Variants in C5 observed in about 807,000 individuals in gnomAD.
C5 encodes complement C5.
In C5, 140 loss-of-function variants were observed where a neutral mutation model predicts 218.8. The observed-to-expected ratio is 0.64, with a 90% CI of 0.56 to 0.74. C5 has a LOEUF of 0.74. Ranked by LOEUF, C5 falls within the 30% of genes least tolerant of loss-of-function variation. C5 has a pLI of 0.00. For synonymous variants in C5, 614 were observed against 682.3 expected, an observed-to-expected ratio of 0.90 and a Z score of 1.56; for missense variants, 1,700 against 1,969.6, an observed-to-expected ratio of 0.86 and a Z score of 2.59.
At chr9:121,034,985 T>C (rs2047511461) in intron 4 of C5, 91 bp from the exon 5 acceptor site, 1 of 657,114 alleles carries the variant, frequency 1.5e-6, no homozygotes, top group African/African-American at 1.8e-5. Flanking sequence ...AAAATATTTA[T>C]AGATCAAATA....
chr9:120,984,444 G>A (rs1434685674), intron 25 of C5, among the ~76,000 whole-genome samples: 6 of 152,044 alleles, frequency 3.9e-5, no homozygotes, highest in African/African-American at 1.2e-4. Context: ...TTTTACATTG[G>A]GTCTCTCTTG....
Position 120,963,622 on chromosome 9 carries a change from A to T in C5, c.4323+14T>A. On this transcript the variant is annotated intron_variant, in intron 34 of 40. Transcript: ENST00000223642. ...ATGAAGCATTCACAACACGATTTAA[A>T]AGAAAACACATACGGCTTTTAAGTC... 1 of 1,578,030 alleles carries T rather than the reference A, an allele frequency of 6.3e-7. No homozygotes were observed. Among genetic ancestry groups the T allele is most frequent in the East Asian group, 2.2e-5 (1 of 44,672 alleles).
At chr9:121,058,334 ATTGT>A in the C5 span, among the ~76,000 whole-genome samples, 1 of 152,190 alleles carries the variant, frequency 6.6e-6, no homozygotes, top group Non-Finnish European at 1.5e-5. Context: ...TTTCGATTTG[ATTGT>A]TTGGGATCCA....
At chr9:121,023,128 T>C (rs1379831565) in intron 10 of C5, among the ~76,000 whole-genome samples, 2 of 152,260 alleles carry the variant, frequency 1.3e-5, no homozygotes, top group Non-Finnish European at 2.9e-5. Context: ...TATTTACATA[T>C]AATTTAATGC....
chr9:120,991,281 C>A lies in C5; in HGVS notation c.2852-1G>T. 1 of 1,585,918 alleles carries A rather than the reference C, an allele frequency of 6.3e-7. No individual in the cohort carries two copies. The highest frequency in any genetic ancestry group is 8.7e-7 in the Non-Finnish European group (1 of 1,154,524). On this transcript the variant is annotated splice_acceptor_variant, in intron 22 of 40. Coordinates refer to ENST00000223642, the MANE Select transcript of C5 (RefSeq NM_001735.3). LOFTEE classifies it high-confidence loss of function. ...AACTCCTTTCGTCTGCTAATGGTAC[C>A]TGTAATTTAGAAAATTTGGATTTAT...
At chr9:121,062,879 T>G in the C5 span, among the ~76,000 whole-genome samples, 1 of 152,166 alleles carries the variant, frequency 6.6e-6, no homozygotes, top group Non-Finnish European at 1.5e-5. Flanking sequence ...GTTGCTTTTC[T>G]CTTGTTATTT....
At chr9:121,030,029 T>C (rs2047460536) in intron 7 of C5, among the ~76,000 whole-genome samples, 1 of 152,098 alleles carries the variant, frequency 6.6e-6, no homozygotes, top group Admixed American at 6.6e-5. Flanking sequence ...AGGCACTGGG[T>C]TTTGAAGTAG....
chr9:120,988,909 C>T lies in C5; in HGVS notation c.3230+137G>A, dbSNP rs56156677. Reference sequence around the variant, plus strand: ...CCATATCTGCTGGATCAGATGTGAACGGTAAGAGAAAGAGAGGAGTGAAGG... The same window carrying T: ...CCATATCTGCTGGATCAGATGTGAATGGTAAGAGAAAGAGAGGAGTGAAGG... On this transcript the variant is annotated intron_variant, in intron 25 of 40. Transcript: ENST00000223642. The T allele has an allele frequency of 8.4e-4, 627 of 744,604 alleles. 7 individuals carry two copies. In the East Asian group the frequency reaches 0.015, roughly 18 times the overall value. The allele number at this position is 744,604 out of a possible 1,614,324, so 46.1% of individuals were successfully genotyped here.
chr9:121,008,399 G>C lies in C5; in HGVS notation c.2348+9C>G. The C allele has an allele frequency of 6.3e-7, 1 of 1,595,626 alleles. No homozygotes were observed. The highest frequency in any genetic ancestry group is 2.2e-5 in the East Asian group (1 of 44,734). On this transcript the variant is annotated intron_variant, in intron 18 of 40. Transcript: ENST00000223642. ...TTTCTTTCAAGGAAACATGAAAGAA[G>C]TATAATACCTTCTGGGAACAAGATG...
the C5 span, among the ~76,000 whole-genome samples, chr9:121,061,455 C>T: frequency 2.0e-5 from 3 of 151,450 alleles, no homozygotes; most frequent in Non-Finnish European, 2.9e-5. Flanking sequence ...CGCTGAGGCA[C>T]GAGAATTGCT....
Position 120,996,220 on chromosome 9 carries a change from T to TA in C5, c.2851+19dup, listed in dbSNP as rs1277728424. 5.1e-6 allele frequency: 8 copies of TA among 1,557,192 alleles called. No individual in the cohort carries two copies. In the Middle Eastern group the frequency reaches 8.4e-4, roughly 163 times the overall value. On this transcript the variant is annotated intron_variant, in intron 22 of 40. Transcript: ENST00000223642. The stretch of plus-strand genomic sequence containing the variant: ...CTAAAGCAAAAGATAACATATAAAA[T>TA]AAAAAATCATTTTGCCTACCATAAA...
In C5 at chr9:120,969,145, A is replaced by G. The variant is rs749909513; in HGVS notation, c.4163-27T>C. The G allele has an allele frequency of 1.9e-6, 3 of 1,598,168 alleles. No individual in the cohort carries two copies. In the African/African-American group the frequency reaches 4.0e-5, roughly 21 times the overall value. Reference sequence around the variant, plus strand: ...TGGCACATAAGACAAGAAAACAAACAGACAAATATAAGAGTAAACTGTTTT... The same window carrying G: ...TGGCACATAAGACAAGAAAACAAACGGACAAATATAAGAGTAAACTGTTTT... On this transcript the variant is annotated intron_variant, in intron 32 of 40. Coordinates refer to ENST00000223642, the MANE Select transcript of C5 (RefSeq NM_001735.3).
intron 16 of C5, among the ~76,000 whole-genome samples, 180 bp from the exon 17 acceptor site, chr9:121,014,250 C>A (rs1049031728): frequency 6.6e-6 from 1 of 152,132 alleles, no homozygotes; most frequent in African/African-American, 2.4e-5. Context: ...GAGAATGTGA[C>A]CTTACCAAAT....
intron 33 of C5, among the ~76,000 whole-genome samples, chr9:120,967,597 G>A (rs529269917): frequency 1.3e-4 from 19 of 151,984 alleles, no homozygotes; most frequent in Non-Finnish European, 2.5e-4. Context: ...ACTGAGGGAC[G>A]ATGGAAAGAA....
Position 121,025,595 on chromosome 9 carries a change from A to G in C5, c.874-15T>C. The G allele has an allele frequency of 6.2e-7, 1 of 1,609,854 alleles. No homozygotes were observed. Among genetic ancestry groups the G allele is most frequent in the Non-Finnish European group, 8.5e-7 (1 of 1,178,596 alleles). ...CCATTTATCAACTTTTTAAAAGGAGAAAAAGGAGGAGTTATTTCGGAGAAG... is the reference window on the plus strand; with the variant it reads ...CCATTTATCAACTTTTTAAAAGGAGGAAAAGGAGGAGTTATTTCGGAGAAG... On this transcript the variant is annotated splice_polypyrimidine_tract_variant and intron_variant, in intron 8 of 40. Transcript: ENST00000223642.
At chr9:121,042,086 C>G (rs1053571314) in intron 3 of C5, among the ~76,000 whole-genome samples, 3 of 152,158 alleles carry the variant, frequency 2.0e-5, no homozygotes, top group African/African-American at 7.2e-5. Flanking sequence ...CTCTGTCCTC[C>G]TCCAAGAATA....
chr9:121,032,348 CA>C (rs1441805399), intron 5 of C5, among the ~76,000 whole-genome samples, 153 bp from the exon 6 acceptor site: 1 of 151,986 alleles, frequency 6.6e-6, no homozygotes, highest in Non-Finnish European at 1.5e-5. Flanking sequence ...GATTTTTAAG[CA>C]ATAAATAATT....
At chr9:121,018,068 C>A (rs528319282) in intron 12 of C5, among the ~76,000 whole-genome samples, 1 of 151,590 alleles carries the variant, frequency 6.6e-6, no homozygotes, top group East Asian at 1.9e-4. Flanking sequence ...GCCTGGCCAA[C>A]ATAGTGAAAC....
the C5 span, among the ~76,000 whole-genome samples, chr9:121,056,511 C>T: frequency 6.6e-6 from 1 of 152,042 alleles, no homozygotes; most frequent in African/African-American, 2.4e-5. Flanking sequence ...TTTGTGACTA[C>T]GTATTATTTT....
Sources: gnomAD v4.1 joint callset for allele counts (sites outside exome capture counted in the v4.1 genomes callset) on GRCh38, gnomAD v4.1.1 for gene constraint, MANE v1.5 for transcripts, NCBI Gene and HGNC (gene_info 2026-07-23, HGNC 2026-07-21) for gene names.